The following CALCOCO2 variants were observed in gnomAD, a reference collection of about 807,000 sequenced individuals.
CALCOCO2 encodes calcium binding and coiled-coil domain 2.
A neutral mutation model predicts 62.5 loss-of-function variants in CALCOCO2; 42 were observed. That is an observed-to-expected ratio of 0.67 (90% CI 0.53 to 0.87). CALCOCO2 has a LOEUF of 0.87. CALCOCO2 is among the 40% of genes least tolerant of loss of function. CALCOCO2 has a pLI of 0.00. For missense variants in CALCOCO2, 456 were observed against 515.0 expected, an observed-to-expected ratio of 0.89 and a Z score of 1.11; for synonymous variants, 167 against 173.0, an observed-to-expected ratio of 0.97 and a Z score of 0.27.
At chr17:48,861,639 G>GTA (rs1491127072) in intron 11 of CALCOCO2, among the ~76,000 whole-genome samples, 4 of 72,534 alleles carry the variant, frequency 5.5e-5, no homozygotes, top group African/African-American at 2.4e-4. Context: ...ATATATATAT[G>GTA]TATATATATA....
chr17:48,855,848 T>C (rs897242424), intron 9 of CALCOCO2: 24 of 240,968 alleles, frequency 1.0e-4, no homozygotes, highest in African/African-American at 5.4e-4. Flanking sequence ...TGGTCACTTA[T>C]ACCCTCAGCT....
chr17:48,837,367 G>A (rs555973766), intron 1 of CALCOCO2, among the ~76,000 whole-genome samples: 34 of 152,232 alleles, frequency 2.2e-4, no homozygotes, highest in Non-Finnish European at 4.7e-4. Context: ...CTTTTGAGCC[G>A]GGCATGGTGG....
Position 48,848,391 on chromosome 17 carries a change from GAGCA to G in CALCOCO2, c.356_359del (p.Ala119ValfsTer40). On this transcript the variant is annotated frameshift_variant, in exon 4 of 13. Coordinates refer to ENST00000258947, the MANE Select transcript of CALCOCO2 (RefSeq NM_005831.5). LOFTEE classifies it high-confidence loss of function. ...GTGGATGAGGATGGTGTGGTCCGGG[GAGCA>G]AGTATTCCTTTCCAATTCCGTCCAG... 1 of 1,613,716 alleles carries G rather than the reference GAGCA, an allele frequency of 6.2e-7. No individual in the cohort carries two copies. The highest frequency in any genetic ancestry group is 1.1e-5 in the South Asian group (1 of 91,078).
intron 4 of CALCOCO2, 37 bp from the exon 5 acceptor site, chr17:48,849,215 G>A (rs1213886786): frequency 6.2e-7 from 1 of 1,607,858 alleles, no homozygotes. Flanking sequence ...TCTGCTAGAG[G>A]GACTTGGAAT....
In CALCOCO2 at chr17:48,853,032, G is replaced by A. The variant is rs1006742035; in HGVS notation, c.912+20G>A. On this transcript the variant is annotated intron_variant, in intron 9 of 12. Coordinates refer to ENST00000258947, the MANE Select transcript of CALCOCO2 (RefSeq NM_005831.5). ...TTAATGGCATGTCTGTCTTTGGATG[G>A]TTATGTGGGAGGGAGCCTATAGGGA... 3 of 1,546,540 alleles carry A rather than the reference G, an allele frequency of 1.9e-6. No individual in the cohort carries two copies. Among genetic ancestry groups the A allele is most frequent in the Non-Finnish European group, 2.7e-6 (3 of 1,118,546 alleles).
At chr17:48,846,039 T>C in intron 2 of CALCOCO2, 2 of 1,467,790 alleles carry the variant, frequency 1.4e-6, no homozygotes, top group Non-Finnish European at 1.8e-6. Flanking sequence ...TTCAGTGTAG[T>C]CTTAATCAGA....
chr17:48,857,271 C>G (rs1466369953), intron 10 of CALCOCO2, among the ~76,000 whole-genome samples: 1 of 149,790 alleles, frequency 6.7e-6, no homozygotes, highest in African/African-American at 2.5e-5. Context: ...GATCTCAGCT[C>G]ACCGCAACCT....
In CALCOCO2 at chr17:48,857,974, C is replaced by CAATAGAATAGAATAGAATAGAATAG. The variant is rs1555573799; in HGVS notation, c.1008+1835_1008+1859dup. ...CCTGGCTGACAGAGCAAGACTACATCAATAGAATAGAATAGAATAGAATAG... is the reference window on the plus strand; with the variant it reads ...CCTGGCTGACAGAGCAAGACTACATCAATAGAATAGAATAGAATAGAATAGAATAGAATAGAATAGAATAGAATAG... On this transcript the variant is annotated intron_variant, in intron 10 of 12. Coordinates refer to ENST00000258947, the MANE Select transcript of CALCOCO2 (RefSeq NM_005831.5). 9.2e-4 allele frequency among the ~76,000 whole-genome samples: 37 copies of CAATAGAATAGAATAGAATAGAATAG among 40,190 alleles called. 2 individuals carry two copies. The highest frequency in any genetic ancestry group is 1.5e-3 in the African/African-American group (21 of 13,642). The allele number at this position is 40,190 out of a possible 152,430, so 26.4% of individuals were successfully genotyped here.
At chr17:48,841,148 C>T (rs1348662648) in intron 1 of CALCOCO2, among the ~76,000 whole-genome samples, 6 of 152,200 alleles carry the variant, frequency 3.9e-5, no homozygotes, top group Non-Finnish European at 7.4e-5. Context: ...AATTTGAACG[C>T]CACCATTCTA....
At chr17:48,850,976 C>G (rs2040121359) in intron 5 of CALCOCO2, 113 bp from the exon 6 acceptor site, 1 of 646,990 alleles carries the variant, frequency 1.5e-6, no homozygotes, top group African/African-American at 1.8e-5. Context: ...ACTGCTGTGT[C>G]ATGCTATGCC....
chr17:48,840,913 T>C (rs1301239172), intron 1 of CALCOCO2, among the ~76,000 whole-genome samples: 2 of 152,246 alleles, frequency 1.3e-5, no homozygotes, highest in Non-Finnish European at 2.9e-5. Context: ...GACTCTGTGC[T>C]AAGTACTTTG....
Position 48,852,914 on chromosome 17 carries a change from CTT to C in CALCOCO2, c.826-8_826-7del. ...TTTCCCAGCAATGGTACTGAAATCT[CTT>C]TTTGTGCAGAGGAAGGACCAGAAGA... is the stretch of plus-strand genomic sequence containing the variant. On this transcript the variant is annotated splice_polypyrimidine_tract_variant and intron_variant, in intron 8 of 12. Coordinates refer to ENST00000258947, the MANE Select transcript of CALCOCO2 (RefSeq NM_005831.5). 6.2e-7 allele frequency: 1 copy of C among 1,604,796 alleles called. No individual in the cohort carries two copies. The highest frequency in any genetic ancestry group is 8.5e-7 in the Non-Finnish European group (1 of 1,171,696).
intron 5 of CALCOCO2, among the ~76,000 whole-genome samples, chr17:48,850,114 G>T (rs887915381): frequency 1.3e-5 from 2 of 151,970 alleles, no homozygotes; most frequent in African/African-American, 2.4e-5. Context: ...GCCTGGCCAA[G>T]ATGGTGAAAC....
chr17:48,848,469 C>T lies in CALCOCO2; in HGVS notation c.417+14C>T, dbSNP rs757720612. 4 of 1,611,914 alleles carry T rather than the reference C, an allele frequency of 2.5e-6. No homozygotes were observed. Among genetic ancestry groups the T allele is most frequent in the Non-Finnish European group, 3.4e-6 (4 of 1,178,112 alleles). The stretch of plus-strand genomic sequence containing the variant: ...GTTACCACTCAGGTTTGTAAAACTT[C>T]TCACCTCAATCCCTTACTGCCATTA... On this transcript the variant is annotated intron_variant, in intron 4 of 12. Transcript: ENST00000258947.
Position 48,841,737 on chromosome 17 carries a change from A to G in CALCOCO2, c.30A>G (p.Thr10=). The G allele has an allele frequency of 6.2e-7, 1 of 1,613,292 alleles. No homozygotes were observed. The highest frequency in any genetic ancestry group is 8.5e-7 in the Non-Finnish European group (1 of 1,179,494). ...AGGAGACCATCAAAGATCCCCCCAC[A>G]TCAGCTGTCTTGCTGGATCACTGTC... MEETIKDPP[T]SAVLLDHCHF... is the part of the protein sequence containing the mutation. The change falls in exon 2 of 13, where the codon ACA becomes ACG. Residue 10 remains threonine (T), a synonymous_variant. Coordinates refer to ENST00000258947, the MANE Select transcript of CALCOCO2 (RefSeq NM_005831.5).
At chr17:48,845,209 C>T (rs2040031501) in intron 2 of CALCOCO2, among the ~76,000 whole-genome samples, 2 of 151,902 alleles carry the variant, frequency 1.3e-5, no homozygotes, top group Admixed American at 6.6e-5. Context: ...TACCATACCC[C>T]AATAAAGAAA....
At chr17:48,861,183 C>T (rs1288990022) in intron 11 of CALCOCO2, among the ~76,000 whole-genome samples, 10 of 152,016 alleles carry the variant, frequency 6.6e-5, no homozygotes, top group African/African-American at 2.2e-4. Context: ...GCGTGGCTAA[C>T]GTGGTGAAAC....
At chr17:48,834,106 C>CAAAAAAA (rs59633969) in intron 1 of CALCOCO2, among the ~76,000 whole-genome samples, 6 of 69,812 alleles carry the variant, frequency 8.6e-5, no homozygotes, top group South Asian at 5.4e-4. Context: ...GACCCTATGT[C>CAAAAAAA]AAAAAAAAAA....
chr17:48,849,842 T>C (rs879777966), intron 5 of CALCOCO2, among the ~76,000 whole-genome samples: 6 of 152,096 alleles, frequency 3.9e-5, no homozygotes, highest in Admixed American at 2.0e-4. Context: ...TGAAATGATA[T>C]TTTAGGTACA....
Sources: allele counts gnomAD v4.1 joint callset (sites outside exome capture counted in the v4.1 genomes callset), GRCh38; gene constraint gnomAD v4.1.1; transcripts MANE v1.5; gene names NCBI Gene and HGNC (gene_info 2026-07-23, HGNC 2026-07-21).